Variants in TTC28 observed in about 807,000 individuals in gnomAD.
TTC28 encodes tetratricopeptide repeat protein 28.
In TTC28, 61 loss-of-function variants were observed where a neutral mutation model predicts 198.0. The ratio of observed to expected loss-of-function variants is 0.31; its 90% CI spans 0.25 to 0.38. The LOEUF is 0.38. Ranked by LOEUF, TTC28 falls within the 10% of genes least tolerant of loss-of-function variation. The pLI, the probability that TTC28 is intolerant of heterozygous loss-of-function variation, is 1.00. For missense variants in TTC28, 2,678 were observed against 3,164.0 expected (o/e 0.85, Z 3.69); for synonymous variants, 1,171 against 1,297.8 (o/e 0.90, Z 2.10).
intron 1 of TTC28, among the ~76,000 whole-genome samples, chr22:28,633,238 C>T (rs1443849180): frequency 6.6e-6 from 1 of 150,410 alleles, no homozygotes; most frequent in Non-Finnish European, 1.5e-5. Context: ...CAAAATTGCA[C>T]CATTGCACTC....
chr22:28,592,783 T>C (rs1431662328), intron 2 of TTC28, among the ~76,000 whole-genome samples: 1 of 152,206 alleles, frequency 6.6e-6, no homozygotes, highest in Non-Finnish European at 1.5e-5. Context: ...TTTTGTTTTC[T>C]ATTACCAATT....
chr22:28,264,250 C>A (rs1322747338), intron 5 of TTC28, among the ~76,000 whole-genome samples: 1 of 152,146 alleles, frequency 6.6e-6, no homozygotes, highest in African/African-American at 2.4e-5. Flanking sequence ...AGTTCCCCTG[C>A]ACATACTCTC....
intron 2 of TTC28, among the ~76,000 whole-genome samples, chr22:28,461,405 C>T (rs182170886): frequency 1.3e-5 from 2 of 152,212 alleles, no homozygotes; most frequent in Admixed American, 1.3e-4. Flanking sequence ...CACCCTACCA[C>T]ATACAATATC....
At chr22:28,199,804 C>T (rs1925765413) in intron 5 of TTC28, among the ~76,000 whole-genome samples, 1 of 151,750 alleles carries the variant, frequency 6.6e-6, no homozygotes, top group South Asian at 2.1e-4. Context: ...GAAGAATATA[C>T]ACTAAATGAA....
intron 5 of TTC28, among the ~76,000 whole-genome samples, chr22:28,280,525 A>G (rs928497187): frequency 1.3e-5 from 2 of 152,034 alleles, no homozygotes; most frequent in Admixed American, 1.3e-4. Context: ...TTTAATAGAG[A>G]TGGGGTTTCA....
rs577148057 is a variant in TTC28, at chr22:28,675,906, G to A, written c.102+3716C>T. ...TCAAGATCAGCCTGGGCAACATAGC[G>A]AGACCCCTTATCTACAAAAAATTTT... On this transcript the variant is annotated intron_variant, in intron 1 of 22. Transcript: ENST00000397906. 3.7e-3 allele frequency among the ~76,000 whole-genome samples: 557 copies of A among 152,118 alleles called. 3 individuals are homozygous for A. Among genetic ancestry groups the A allele is most frequent in the African/African-American group, 0.013 (532 of 41,510 alleles).
chr22:28,336,078 C>A (rs958265973), intron 2 of TTC28, among the ~76,000 whole-genome samples: 1 of 152,194 alleles, frequency 6.6e-6, no homozygotes, highest in Non-Finnish European at 1.5e-5. Context: ...AAGGCCTTTT[C>A]TGCATCTATT....
At chr22:28,225,235 G>T (rs957714110) in intron 5 of TTC28, among the ~76,000 whole-genome samples, 1 of 151,852 alleles carries the variant, frequency 6.6e-6, no homozygotes, top group African/African-American at 2.4e-5. Context: ...CATGCATGTA[G>T]TCCCAGCTAC....
At position 28,163,612 on chromosome 22, in the gene TTC28, GGA is replaced by G; in HGVS notation, c.934-15_934-14del. On this transcript the variant is annotated splice_polypyrimidine_tract_variant and intron_variant, in intron 5 of 22. Coordinates refer to ENST00000397906, the MANE Select transcript of TTC28 (RefSeq NM_001145418.2). ...CTGATGAAGCTGCCTGGAGAGAAAA[GGA>G]TAAAGTGGAGAAATGAAAACACATC... 4.0e-6 allele frequency: 6 copies of G among 1,500,896 alleles called. No individual in the cohort carries two copies. The highest frequency in any genetic ancestry group is 4.4e-6 in the Non-Finnish European group (5 of 1,125,730). 93.0% of individuals were successfully genotyped at this position (1,500,896 alleles called of 1,614,324 possible). A position where few individuals can be genotyped will look rare whatever the true frequency, so the allele number is the denominator to read the frequency against.
chr22:28,125,761 A>C (rs1166802625), intron 6 of TTC28, among the ~76,000 whole-genome samples: 1 of 152,252 alleles, frequency 6.6e-6, no homozygotes, highest in African/African-American at 2.4e-5. Flanking sequence ...AAAATCATTA[A>C]TAAAATTTAT....
intron 12 of TTC28, among the ~76,000 whole-genome samples, chr22:28,051,825 C>A (rs1253109845): frequency 2.0e-5 from 3 of 152,080 alleles, no homozygotes; most frequent in Non-Finnish European, 4.4e-5. Flanking sequence ...TATACCCTAC[C>A]ACCCATCGTC....
intron 12 of TTC28, among the ~76,000 whole-genome samples, chr22:28,056,751 G>C (rs1242571619): frequency 6.6e-6 from 1 of 152,164 alleles, no homozygotes; most frequent in Admixed American, 6.5e-5. Context: ...AAGATTTAGA[G>C]CATTACTTTC....
intron 5 of TTC28, among the ~76,000 whole-genome samples, chr22:28,202,727 A>G (rs1312710066): frequency 6.6e-6 from 1 of 152,120 alleles, no homozygotes; most frequent in African/African-American, 2.4e-5. Flanking sequence ...CCTTCTTCCA[A>G]TGCAAATGCC....
chr22:28,455,406 A>G (rs1298006366), intron 2 of TTC28, among the ~76,000 whole-genome samples: 9 of 152,144 alleles, frequency 5.9e-5, no homozygotes, highest in Non-Finnish European at 2.9e-5. Context: ...TTGCAACACT[A>G]CTGATTCTAA....
intron 2 of TTC28, among the ~76,000 whole-genome samples, chr22:28,596,735 A>G (rs2050548969): frequency 6.6e-6 from 1 of 152,218 alleles, no homozygotes; most frequent in Non-Finnish European, 1.5e-5. Context: ...CTGTACCAGG[A>G]TCTTATGCTA....
intron 2 of TTC28, among the ~76,000 whole-genome samples, chr22:28,608,483 T>C (rs1402934705): frequency 6.6e-6 from 1 of 152,160 alleles, no homozygotes; most frequent in African/African-American, 2.4e-5. Flanking sequence ...GATGCAGCAA[T>C]ACATATCAGG....
At chr22:28,517,816 T>C (rs2048819932) in intron 2 of TTC28, among the ~76,000 whole-genome samples, 1 of 152,198 alleles carries the variant, frequency 6.6e-6, no homozygotes. Context: ...GGTGAAAATA[T>C]TTACAACTCT....
In TTC28 at chr22:28,105,675, C is replaced by T. The variant is rs1354036760; in HGVS notation, c.2911G>A (p.Gly971Arg). Residue 971 changes from glycine to arginine, a missense_variant, in exon 8 of 23, where the codon GGG (glycine) becomes AGG (arginine). Physicochemically the swap from Gly to Arg is moderately radical, Grantham distance 125. Coordinates refer to ENST00000397906, the MANE Select transcript of TTC28 (RefSeq NM_001145418.2). ...CAGGAAATGGCTTGTTCGTAATTCCCTAATTGGCTGTGCAGACTTCCCAGC... is the reference window on the plus strand; with the variant it reads ...CAGGAAATGGCTTGTTCGTAATTCCTTAATTGGCTGTGCAGACTTCCCAGC... ...GELGSLHSQL[G>R]NYEQAISCLE... 4 of 1,551,780 alleles carry T rather than the reference C, an allele frequency of 2.6e-6. No individual in the cohort carries two copies. In the African/African-American group the frequency reaches 5.5e-5, roughly 21 times the overall value.
intron 5 of TTC28, among the ~76,000 whole-genome samples, chr22:28,245,858 C>T (rs1476666456): frequency 1.3e-5 from 2 of 152,144 alleles, no homozygotes; most frequent in Non-Finnish European, 2.9e-5. Flanking sequence ...ATCTTAGCCC[C>T]CTATACGAAC....
Sources: gnomAD v4.1 joint callset for allele counts (sites outside exome capture counted in the v4.1 genomes callset) on GRCh38, gnomAD v4.1.1 for gene constraint, MANE v1.5 for transcripts, NCBI Gene and HGNC (gene_info 2026-07-23, HGNC 2026-07-21) for gene names.